Variants in PPP1R14C observed in about 807,000 individuals in gnomAD.
PPP1R14C encodes protein phosphatase 1 regulatory subunit 14C.
Under a neutral mutation model 20.4 loss-of-function variants are expected in PPP1R14C, and 16 were observed. The observed-to-expected ratio is 0.78, with a 90% CI of 0.53 to 1.19. The LOEUF is 1.19. Among genes scored for constraint, PPP1R14C ranks in the 50% most tolerant of loss-of-function variants. PPP1R14C has a pLI of 0.00. For synonymous variants in PPP1R14C, 91 were observed against 91.0 expected (o/e 1.00, Z 0.00); for missense variants, 211 against 220.1 (o/e 0.96, Z 0.26).
intron 3 of PPP1R14C, among the ~76,000 whole-genome samples, chr6:150,220,838 T>C (rs1267064086): frequency 2.6e-5 from 4 of 152,236 alleles, no homozygotes; most frequent in Non-Finnish European, 4.4e-5. Flanking sequence ...GCCATGCTGT[T>C]CAATGAAAAT....
intron 1 of PPP1R14C, among the ~76,000 whole-genome samples, chr6:150,191,530 A>G (rs962349588): frequency 1.3e-5 from 2 of 152,236 alleles, no homozygotes; most frequent in Non-Finnish European, 2.9e-5. Flanking sequence ...CAGCAGTGTG[A>G]CAGAGGGCAA....
intron 1 of PPP1R14C, among the ~76,000 whole-genome samples, chr6:150,181,557 G>C (rs1004354855): frequency 6.6e-6 from 1 of 152,172 alleles, no homozygotes; most frequent in African/African-American, 2.4e-5. Context: ...TGTTCCCCAA[G>C]TAATCCACTT....
At chr6:150,166,968 C>T (rs551033832) in intron 1 of PPP1R14C, among the ~76,000 whole-genome samples, 27 of 152,308 alleles carry the variant, frequency 1.8e-4, no homozygotes, top group Non-Finnish European at 2.6e-4. Context: ...CGGTGGCTCA[C>T]GTCTGTAATC....
intron 1 of PPP1R14C, among the ~76,000 whole-genome samples, chr6:150,160,199 A>G (rs1777348939): frequency 7.0e-6 from 1 of 141,960 alleles, no homozygotes; most frequent in Admixed American, 7.1e-5. Context: ...CTGTACAGCT[A>G]CTCCCTCCCT....
intron 3 of PPP1R14C, among the ~76,000 whole-genome samples, chr6:150,231,685 A>G (rs899221050): frequency 1.8e-4 from 27 of 152,366 alleles, no homozygotes; most frequent in African/African-American, 5.8e-4. Flanking sequence ...GGGGGTGACA[A>G]GTATGCACAT....
intron 1 of PPP1R14C, among the ~76,000 whole-genome samples, chr6:150,169,577 GAGA>G (rs1486719334): frequency 6.6e-6 from 1 of 152,180 alleles, no homozygotes; most frequent in Non-Finnish European, 1.5e-5. Flanking sequence ...TTGAGTAAAA[GAGA>G]AGGTGTCAAA....
intron 3 of PPP1R14C, among the ~76,000 whole-genome samples, chr6:150,243,350 A>AT (rs978824648): frequency 1.1e-4 from 17 of 151,644 alleles, no homozygotes; most frequent in African/African-American, 3.2e-4. Context: ...TAATTTTTGT[A>AT]TTTTTTTAGT....
intron 3 of PPP1R14C, among the ~76,000 whole-genome samples, chr6:150,225,603 G>A (rs1296013909): frequency 6.6e-6 from 1 of 152,164 alleles, no homozygotes; most frequent in Non-Finnish European, 1.5e-5. Flanking sequence ...ACTTTTGTTA[G>A]GATGGGATGG....
intron 1 of PPP1R14C, among the ~76,000 whole-genome samples, chr6:150,205,210 C>T (rs965144892): frequency 4.6e-5 from 7 of 152,074 alleles, no homozygotes; most frequent in African/African-American, 1.7e-4. Context: ...AAGACCTCCT[C>T]AGCCTAGTTC....
intron 1 of PPP1R14C, among the ~76,000 whole-genome samples, chr6:150,171,125 T>G (rs1057366484): frequency 2.6e-5 from 4 of 152,164 alleles, no homozygotes; most frequent in African/African-American, 9.7e-5. Flanking sequence ...GTGCATAGTT[T>G]ACATGAGGGT....
rs9478575 is a variant in PPP1R14C, at chr6:150,201,820, G to A, written c.307-12924G>A. On this transcript the variant is annotated intron_variant, in intron 1 of 3. Transcript: ENST00000361131. The surrounding 1 kb of genome is among the most constrained non-coding windows in gnomAD (Gnocchi z 4.2). Reference sequence around the variant, plus strand: ...GGTACAAAGTGCAGGTTCAGGAGACGGTAAGCCATAGAATTGACAGTTATG... The same window carrying A: ...GGTACAAAGTGCAGGTTCAGGAGACAGTAAGCCATAGAATTGACAGTTATG... 3.9e-3 allele frequency among the ~76,000 whole-genome samples: 591 copies of A among 152,222 alleles called. 3 individuals carry two copies. Among genetic ancestry groups the A allele is most frequent in the African/African-American group, 0.013 (554 of 41,538 alleles).
rs1329751425 is a variant in PPP1R14C, at chr6:150,216,876, T to C, written c.423+20T>C. On this transcript the variant is annotated intron_variant, in intron 3 of 3. Coordinates refer to ENST00000361131, the MANE Select transcript of PPP1R14C (RefSeq NM_030949.3). Reference sequence around the variant, plus strand: ...ACAGAGGTAAGCAAATCACTTTTCCTAAATGCCATGTTTGAACTGGTTTTT... The same window carrying C: ...ACAGAGGTAAGCAAATCACTTTTCCCAAATGCCATGTTTGAACTGGTTTTT... The C allele has an allele frequency of 1.3e-6, 2 of 1,593,212 alleles. No homozygotes were observed. The highest frequency in any genetic ancestry group is 1.7e-6 in the Non-Finnish European group (2 of 1,166,590).
intron 1 of PPP1R14C, among the ~76,000 whole-genome samples, chr6:150,152,454 C>CAGGG (rs1777259984): frequency 6.6e-6 from 1 of 152,122 alleles, no homozygotes; most frequent in Admixed American, 6.5e-5. Context: ...AGCACGTGAC[C>CAGGG]AGGGCTCAGG....
intron 1 of PPP1R14C, among the ~76,000 whole-genome samples, chr6:150,177,012 C>T (rs1049526686): frequency 2.6e-5 from 4 of 152,216 alleles, no homozygotes; most frequent in East Asian, 1.9e-4. Flanking sequence ...CCTAACTCCA[C>T]GTCCTGTTTG....
intron 1 of PPP1R14C, among the ~76,000 whole-genome samples, chr6:150,151,257 G>A (rs531275793): frequency 7.2e-5 from 11 of 152,288 alleles, no homozygotes; most frequent in Admixed American, 7.2e-4. Context: ...CTGAAAATGA[G>A]TTTCTCATCT....
chr6:150,149,354 T>C (rs1777216889), intron 1 of PPP1R14C, among the ~76,000 whole-genome samples: 1 of 151,612 alleles, frequency 6.6e-6, no homozygotes, highest in Non-Finnish European at 1.5e-5. Flanking sequence ...ACAGTCTGAC[T>C]CCTGTTGCCC....
chr6:150,208,634 C>T (rs1420867555), intron 1 of PPP1R14C, among the ~76,000 whole-genome samples: 2 of 152,166 alleles, frequency 1.3e-5, no homozygotes, highest in African/African-American at 4.8e-5. Context: ...GCTGTGATGG[C>T]TGGCTTCACT....
Position 150,143,274 on chromosome 6 carries a change from G to T in PPP1R14C, c.82G>T (p.Gly28Cys), listed in dbSNP as rs755766422. 8.0e-5 allele frequency: 122 copies of T among 1,524,974 alleles called. No individual in the cohort carries two copies. The East Asian group carries it at 3.2e-3, about 40-fold the overall frequency. 94.5% of individuals were successfully genotyped at this position (1,524,974 alleles called of 1,614,324 possible). Residue 28 changes from glycine (G) to cysteine (C), a missense_variant, in exon 1 of 4, where the codon GGT becomes TGT. Coordinates refer to ENST00000361131, the MANE Select transcript of PPP1R14C (RefSeq NM_030949.3). This position sits in a 1 kb window ranked among gnomAD's most constrained non-coding sequence, Gnocchi z 5.6. ...GARVFFQSPRGGAGGSPGSSS... is the reference protein window; with the variant it reads ...GARVFFQSPRCGAGGSPGSSS... ...ACGGGTTTTCTTCCAAAGCCCCCGG[G>T]GTGGCGCCGGTGGCAGCCCCGGCTC...
chr6:150,175,058 C>A (rs1253110186), intron 1 of PPP1R14C, among the ~76,000 whole-genome samples: 1 of 151,854 alleles, frequency 6.6e-6, no homozygotes, highest in Non-Finnish European at 1.5e-5. Context: ...GTTTATGATA[C>A]CACTATGACA....
Sources: gnomAD v4.1 joint callset for allele counts (sites outside exome capture counted in the v4.1 genomes callset) on GRCh38, gnomAD v4.1.1 for gene constraint, Gnocchi (gnomAD v3.1) non-coding constraint, MANE v1.5 for transcripts, NCBI Gene and HGNC (gene_info 2026-07-23, HGNC 2026-07-21) for gene names.